Variants in TENM4 observed in about 807,000 individuals in gnomAD.
TENM4 encodes the protein teneurin transmembrane protein 4.
Under a neutral mutation model 243.3 loss-of-function variants are expected in TENM4, and 82 were observed. The ratio of observed to expected loss-of-function variants is 0.34; its 90% CI spans 0.28 to 0.40. The LOEUF is 0.40. Ranked by LOEUF, TENM4 falls within the 10% of genes least tolerant of loss-of-function variation. TENM4 has a pLI of 1.00. For synonymous variants in TENM4, 1,412 were observed against 1,456.3 expected (o/e 0.97, Z 0.69); for missense variants, 3,138 against 3,673.3 (o/e 0.85, Z 3.77).
chr11:78,702,477 C>T (rs1859132310), intron 27 of TENM4, 74 bp from the exon 28 acceptor site: 2 of 1,526,008 alleles, frequency 1.3e-6, no homozygotes, highest in Non-Finnish European at 1.8e-6. Flanking sequence ...GCCCATGTAG[C>T]CCATAACAGT....
At chr11:78,854,386 T>C in intron 11 of TENM4, 72 bp from the exon 12 acceptor site, 3 of 1,352,882 alleles carry the variant, frequency 2.2e-6, no homozygotes, top group Non-Finnish European at 2.9e-6. Flanking sequence ...CCGGGGCTTC[T>C]CCTGGAGAGG....
rs915569756 is a variant in TENM4, at chr11:79,235,310, G to A, written c.-264-19401C>T. On this transcript the variant is annotated intron_variant, in intron 2 of 33. Transcript: ENST00000278550. ...AGCCTGGGTGACAAGGTGAGACTCC[G>A]TCTCCAAAAAAAAATGAAGTCTCCC... is the stretch of plus-strand genomic sequence containing the variant. Among the ~76,000 whole-genome samples the A allele has an allele frequency of 5.9e-5, 9 of 151,404 alleles. No individual in the cohort carries two copies. In the South Asian group the frequency reaches 6.2e-4, roughly 11 times the overall value.
intron 18 of TENM4, among the ~76,000 whole-genome samples, chr11:78,765,559 G>A (rs997318802): frequency 6.6e-6 from 1 of 152,202 alleles, no homozygotes; most frequent in Non-Finnish European, 1.5e-5. Context: ...ATCATACCTT[G>A]AAGCTGCTTA....
intron 2 of TENM4, among the ~76,000 whole-genome samples, chr11:79,236,903 G>T (rs116711745): frequency 6.6e-6 from 1 of 152,088 alleles, no homozygotes; most frequent in African/African-American, 2.4e-5. Context: ...CAGCTGTGGC[G>T]TAGGCTCTGC....
At position 78,666,947 on chromosome 11, in the gene TENM4, G is replaced by GT. The variant is rs202055868; in HGVS notation, c.7408+1989dup. On this transcript the variant is annotated intron_variant, in intron 32 of 33. Transcript: ENST00000278550. ...GAGTAATATTTTGGAAAGATGCAAT[G>GT]TTTTTTTTGATAGAAAAGTACATTT... Among the ~76,000 whole-genome samples, 1,139 of 152,060 alleles carry GT rather than the reference G, an allele frequency of 7.5e-3. 15 individuals carry two copies. Among genetic ancestry groups the GT allele is most frequent in the African/African-American group, 0.026 (1,081 of 41,486 alleles).
chr11:78,688,949 G>T (rs556786663), intron 28 of TENM4, among the ~76,000 whole-genome samples: 16 of 152,254 alleles, frequency 1.1e-4, no homozygotes, highest in African/African-American at 3.9e-4. Flanking sequence ...AATAATAAAA[G>T]AAATACCTAC....
chr11:79,125,002 G>T (rs191421786), intron 4 of TENM4, among the ~76,000 whole-genome samples: 2 of 150,808 alleles, frequency 1.3e-5, no homozygotes, highest in African/African-American at 4.9e-5. Context: ...TGGTTCTAGA[G>T]AAATAGAATA....
chr11:79,034,772 A>G (rs1859334114), intron 6 of TENM4, among the ~76,000 whole-genome samples: 1 of 152,106 alleles, frequency 6.6e-6, no homozygotes, highest in Non-Finnish European at 1.5e-5. Context: ...GTGGACCATG[A>G]TGATATGCAC....
At chr11:79,020,733 A>G (rs1858904157) in intron 6 of TENM4, among the ~76,000 whole-genome samples, 1 of 152,192 alleles carries the variant, frequency 6.6e-6, no homozygotes, top group Non-Finnish European at 1.5e-5. Flanking sequence ...CTATGGGGAA[A>G]GGTGTTTCCT....
chr11:79,350,405 C>T (rs1857394709), intron 1 of TENM4, among the ~76,000 whole-genome samples: 1 of 151,608 alleles, frequency 6.6e-6, no homozygotes, highest in Admixed American at 6.6e-5. Context: ...ACTGTCACAG[C>T]CCTCTTTATT....
chr11:79,377,817 G>A (rs1379195947), intron 1 of TENM4, among the ~76,000 whole-genome samples: 3 of 152,108 alleles, frequency 2.0e-5, no homozygotes, highest in African/African-American at 7.2e-5. Flanking sequence ...GTGATTTACT[G>A]GAAAGCTATA....
At chr11:79,043,088 T>G (rs1031471101) in intron 6 of TENM4, among the ~76,000 whole-genome samples, 3 of 152,176 alleles carry the variant, frequency 2.0e-5, no homozygotes, top group East Asian at 3.9e-4. Context: ...CTCTGGGATA[T>G]TCCAGTAAAT....
chr11:78,763,304 A>G (rs1315163273), intron 18 of TENM4, among the ~76,000 whole-genome samples: 2 of 152,222 alleles, frequency 1.3e-5, no homozygotes, highest in African/African-American at 4.8e-5. Context: ...CAAAAAGGCC[A>G]GGCAGGCCCT....
intron 2 of TENM4, among the ~76,000 whole-genome samples, chr11:79,289,192 T>C (rs1280458542): frequency 6.6e-6 from 1 of 152,224 alleles, no homozygotes; most frequent in Admixed American, 6.5e-5. Context: ...ATAATGTTTA[T>C]CCAAAGTATT....
chr11:79,395,795 C>T lies in TENM4; in HGVS notation c.-321+44714G>A, dbSNP rs76735735. Reference sequence around the variant, plus strand: ...ATTTTGAGTTTGAATCCTGGCTCTGCTTTATGGCCTTTAATATCCGTGAAT... The same window carrying T: ...ATTTTGAGTTTGAATCCTGGCTCTGTTTTATGGCCTTTAATATCCGTGAAT... On this transcript the variant is annotated intron_variant, in intron 1 of 33. Transcript: ENST00000278550. Among the ~76,000 whole-genome samples, 800 of 152,270 alleles carry T rather than the reference C, an allele frequency of 5.3e-3. 4 individuals are homozygous for T. Among genetic ancestry groups the T allele is most frequent in the Admixed American group, 6.6e-3 (101 of 15,296 alleles).
intron 7 of TENM4, among the ~76,000 whole-genome samples, chr11:78,896,540 C>T (rs1471034880): frequency 6.6e-6 from 1 of 152,120 alleles, no homozygotes; most frequent in Non-Finnish European, 1.5e-5. Context: ...AGCCCAAGAT[C>T]CTCCATTGCT....
chr11:79,124,756 AATATAT>A (rs59360725), intron 4 of TENM4, among the ~76,000 whole-genome samples: 1 of 133,872 alleles, frequency 7.5e-6, no homozygotes, highest in Non-Finnish European at 1.6e-5. Context: ...GAACTAATCA[AATATAT>A]ATATATATAT....
chr11:79,133,582 C>T (rs937025605), intron 4 of TENM4, among the ~76,000 whole-genome samples: 1 of 152,026 alleles, frequency 6.6e-6, no homozygotes, highest in African/African-American at 2.4e-5. Context: ...TCTTAATGAA[C>T]ATAGATGCTA....
chr11:78,789,283 C>T (rs769075250), intron 15 of TENM4, among the ~76,000 whole-genome samples: 4 of 120,038 alleles, frequency 3.3e-5, no homozygotes, highest in Non-Finnish European at 8.5e-5. Context: ...TCTCTAGCGA[C>T]CTGCCTGTAT....
Sources: gnomAD v4.1 joint callset for allele counts (sites outside exome capture counted in the v4.1 genomes callset) on GRCh38, gnomAD v4.1.1 for gene constraint, MANE v1.5 for transcripts, NCBI Gene and HGNC (gene_info 2026-07-23, HGNC 2026-07-21) for gene names.